The following INF2 variants were observed in gnomAD, a reference collection of about 807,000 sequenced individuals.
The protein encoded by INF2 is inverted formin 2, also known as inverted formin-2.
In INF2, 43 loss-of-function variants were observed where a neutral mutation model predicts 123.5. The ratio of observed to expected loss-of-function variants is 0.35; its 90% CI spans 0.27 to 0.45. The LOEUF (loss-of-function observed/expected upper bound fraction) is 0.45, where lower values mean the gene tolerates loss of function less well. Among genes scored for constraint, INF2 ranks in the 20% least tolerant of loss-of-function variants. INF2 has a pLI of 1.00. For synonymous variants in INF2, 851 were observed against 745.0 expected, an observed-to-expected ratio of 1.14 and a Z score of -2.32; for missense variants, 1,453 against 1,682.7, an observed-to-expected ratio of 0.86 and a Z score of 2.39.
intron 17 of INF2, 119 bp downstream of exon 17, chr14:104,712,672 G>A: frequency 1.3e-6 from 2 of 1,536,202 alleles, no homozygotes; most frequent in East Asian, 4.5e-5. Context: ...GTTTCCCCAG[G>A]TGTGCATGGT....
intron 1 of INF2, chr14:104,691,070 G>A (rs1248112852): frequency 6.6e-6 from 1 of 152,300 alleles, no homozygotes; most frequent in Non-Finnish European, 1.5e-5. Context: ...GTCGCTAGTG[G>A]GGACGGACCA....
chr14:104,712,203 G>C (rs1012529136), intron 16 of INF2, among the ~76,000 whole-genome samples: 1 of 152,142 alleles, frequency 6.6e-6, no homozygotes, highest in African/African-American at 2.4e-5. Flanking sequence ...GCCTTGGGGA[G>C]AACTAGGCAA....
chr14:104,709,213 T>TC, intron 10 of INF2, 68 bp from the exon 11 acceptor site: 5 of 1,236,752 alleles, frequency 4.0e-6, no homozygotes, highest in Non-Finnish European at 5.8e-6. Context: ...CCAGGTGGGG[T>TC]CCCAAAGAGG....
rs189263181 is a variant in INF2 at position 104,714,846 on chromosome 14, G to A, written c.3684G>A (p.Arg1228=). 313 of 1,575,140 alleles carry A rather than the reference G, an allele frequency of 2.0e-4. 1 individual carries two copies. In the East Asian group the frequency reaches 6.8e-3, roughly 34 times the overall value. ...TGKRRKKRPS[R]SQEEVPPDSD... ...AGCGAAGGAAGAAGCGTCCCTCCAG[G>A]AGCCAGGAAGGTAACTCAGGGAGGG... Residue 1228 remains arginine, a synonymous_variant, in exon 21 of 23, where the codon AGG becomes AGA. Transcript: ENST00000392634.
At chr14:104,693,348 A>C (rs1367117995) in intron 1 of INF2, among the ~76,000 whole-genome samples, 1 of 152,186 alleles carries the variant, frequency 6.6e-6, no homozygotes, top group African/African-American at 2.4e-5. Context: ...CTCACAGTGA[A>C]GGCAGAGGCC....
At position 104,689,700 on chromosome 14, in the gene INF2, C is replaced by G. The variant is rs1888842930; in HGVS notation, c.-49C>G. The G allele has an allele frequency of 9.1e-6, 9 of 984,890 alleles. No homozygotes were observed. Among genetic ancestry groups the G allele is most frequent in the Non-Finnish European group, 1.1e-5 (9 of 829,774 alleles). The allele number at this position is 984,890 out of a possible 1,614,324, so 61.0% of individuals were successfully genotyped here. On this transcript the variant is annotated 5_prime_UTR_variant, in exon 1 of 23. Transcript: ENST00000392634. The stretch of plus-strand genomic sequence containing the variant: ...GCCCCTGACCCGGCCCCGGACGGAG[C>G]GCCGGCCGCACCACCGCCCTCTGGC...
At position 104,713,319 on chromosome 14, in the gene INF2, G is replaced by C. The variant is rs1227456012; in HGVS notation, c.2878+10G>C. Reference sequence around the variant, plus strand: ...GAGGACGGGAAGCCTGGTGAGGCTGGGCCGGCTGGGCGGGGAGGGGGTGAC... The same window carrying C: ...GAGGACGGGAAGCCTGGTGAGGCTGCGCCGGCTGGGCGGGGAGGGGGTGAC... On this transcript the variant is annotated intron_variant, in intron 19 of 22. Transcript: ENST00000392634. 2 of 1,550,588 alleles carry C rather than the reference G, an allele frequency of 1.3e-6. No individual in the cohort carries two copies. Among genetic ancestry groups the C allele is most frequent in the African/African-American group, 2.7e-5 (2 of 73,086 alleles).
chr14:104,693,135 G>T (rs955210086), intron 1 of INF2, among the ~76,000 whole-genome samples: 11 of 152,368 alleles, frequency 7.2e-5, no homozygotes, highest in Middle Eastern at 3.4e-3. Context: ...GGAAGATGCT[G>T]CCAAGGCCCC....
intron 1 of INF2, among the ~76,000 whole-genome samples, chr14:104,683,627 G>C (rs1316979203): frequency 1.0e-4 from 12 of 117,156 alleles, no homozygotes; most frequent in African/African-American, 3.0e-4. Context: ...CACACACACA[G>C]ACACACACAC....
chr14:104,693,875 C>T (rs75875218), intron 1 of INF2, among the ~76,000 whole-genome samples: 1,800 of 152,340 alleles, frequency 0.012, 29 homozygotes, highest in South Asian at 0.039. Context: ...GTTCCTGCTC[C>T]AGGCACAGCT....
At chr14:104,681,840 C>CCCGG (rs1442322073) in intron 1 of INF2, among the ~76,000 whole-genome samples, 1 of 152,234 alleles carries the variant, frequency 6.6e-6, no homozygotes, top group Non-Finnish European at 1.5e-5. Context: ...CCTGGCCACA[C>CCCGG]CCGGCCTGGA....
chr14:104,719,117 C>T lies in INF2; in HGVS notation c.*324C>T, dbSNP rs1230084310. ...GCCAAGGGCCAGTCGGGGGGTGCTG[C>T]GTCCTGCCAGTGTCCACCACAGCTC... On this transcript the variant is annotated 3_prime_UTR_variant, in exon 23 of 23. Transcript: ENST00000392634. The T allele has an allele frequency of 2.4e-4, 110 of 456,018 alleles. No individual in the cohort carries two copies. Among genetic ancestry groups the T allele is most frequent in the Non-Finnish European group, 1.5e-5 (4 of 258,232 alleles). 28.2% of individuals were successfully genotyped at this position (456,018 alleles called of 1,614,324 possible).
In INF2 at chr14:104,720,857, C is replaced by T. The variant is rs1169552306; in HGVS notation, c.*2064C>T. ...ATGCTGCTGTGGACGTCTGCGTCGT[C>T]TCGTGTGGATGCTGCTGTGGACGTC... On this transcript the variant is annotated 3_prime_UTR_variant, in exon 23 of 23. Coordinates refer to ENST00000392634, the MANE Select transcript of INF2 (RefSeq NM_022489.4). The T allele has an allele frequency of 7.6e-5, 2 of 26,212 alleles. No individual in the cohort carries two copies. The highest frequency in any genetic ancestry group is 7.3e-5 in the Non-Finnish European group (1 of 13,680). The allele number at this position is 26,212 out of a possible 1,614,324, so 1.6% of individuals were successfully genotyped here. A position where few individuals can be genotyped will look rare whatever the true frequency, so the allele number is the denominator to read the frequency against.
chr14:104,711,255 A>G (rs542203828), intron 15 of INF2, 69 bp downstream of exon 15: 21 of 1,312,720 alleles, frequency 1.6e-5, no homozygotes, highest in Non-Finnish European at 2.1e-5. Context: ...GTAGAGGCGT[A>G]GAGGCCATAC....
intron 12 of INF2, 114 bp downstream of exon 12, chr14:104,709,819 G>T: frequency 1.1e-6 from 1 of 929,450 alleles, no homozygotes. Context: ...GGCTGCCCCG[G>T]GCTCCAGGAG....
intron 1 of INF2, among the ~76,000 whole-genome samples, chr14:104,694,843 C>T (rs377607772): frequency 3.9e-5 from 6 of 152,092 alleles, no homozygotes; most frequent in Non-Finnish European, 7.4e-5. Flanking sequence ...GGGCAGGCAG[C>T]GGGCAGCCGT....
In INF2 at chr14:104,713,451, A is replaced by G. The variant is rs376067427; in HGVS notation, c.2885A>G (p.Lys962Arg). ...PRGEDGKPVR[K>R]GPGKQEEVCV... Reference sequence around the variant, plus strand: ...AGTGCCCCACGCTCCTCAGTCAGGAAGGGGCCCGGGAAGCAGGAGGAGGTG... The same window carrying G: ...AGTGCCCCACGCTCCTCAGTCAGGAGGGGGCCCGGGAAGCAGGAGGAGGTG... The change falls in exon 20 of 23, where the codon AAG (lysine) becomes AGG (arginine). Residue 962 changes from lysine to arginine, a missense_variant. Lys to Arg is a conservative substitution (Grantham distance 26). Coordinates refer to ENST00000392634, the MANE Select transcript of INF2 (RefSeq NM_022489.4). 2 of 1,610,470 alleles carry G rather than the reference A, an allele frequency of 1.2e-6. No individual in the cohort carries two copies. Among genetic ancestry groups the G allele is most frequent in the Non-Finnish European group, 1.7e-6 (2 of 1,179,016 alleles).
intron 22 of INF2, among the ~76,000 whole-genome samples, chr14:104,716,465 G>A (rs993925755): frequency 2.0e-5 from 3 of 152,200 alleles, no homozygotes; most frequent in East Asian, 1.9e-4. Context: ...CTGGAACTTG[G>A]ACTTGCTGGC....
chr14:104,687,690 G>A (rs957189138), upstream of INF2, among the ~76,000 whole-genome samples: 1 of 152,182 alleles, frequency 6.6e-6, no homozygotes, highest in Admixed American at 6.5e-5. This position sits in a 1 kb window ranked among gnomAD's most constrained non-coding sequence, Gnocchi z 5.6. Flanking sequence ...CCCCAGGCAG[G>A]AGCGGCCCTG....
Sources: allele counts gnomAD v4.1 joint callset (sites outside exome capture counted in the v4.1 genomes callset), GRCh38; gene constraint gnomAD v4.1.1; non-coding constraint Gnocchi (gnomAD v3.1); transcripts MANE v1.5; gene names NCBI Gene and HGNC (gene_info 2026-07-23, HGNC 2026-07-21).